Variants in HDAC9 observed in about 807,000 individuals in gnomAD.
HDAC9 encodes the protein MEF-2 interacting transcription repressor (MITR) protein.
Under a neutral mutation model 139.4 loss-of-function variants are expected in HDAC9, and 41 were observed. The observed-to-expected ratio is 0.29, with a 90% confidence interval of 0.23 to 0.38. The LOEUF is 0.38. Ranked by LOEUF, HDAC9 falls within the 10% of genes least tolerant of loss-of-function variation. The pLI, the probability that HDAC9 is intolerant of heterozygous loss-of-function variation, is 1.00. For synonymous variants in HDAC9, 517 were observed against 476.2 expected (o/e 1.09, Z -1.12); for missense variants, 1,147 against 1,297.0 (o/e 0.88, Z 1.78).
chr7:18,553,892 GCCGTCTTTATCCTCAA>G (rs1817911639), intron 2 of HDAC9, among the ~76,000 whole-genome samples: 1 of 152,148 alleles, frequency 6.6e-6, no homozygotes, highest in African/African-American at 2.4e-5. Flanking sequence ...TAAGTTAAAT[GCCGTCTTTATCCTCAA>G]GGGACTTACA....
chr7:18,372,960 A>G (rs1354313059), intron 1 of HDAC9, among the ~76,000 whole-genome samples: 1 of 152,228 alleles, frequency 6.6e-6, no homozygotes, highest in Non-Finnish European at 1.5e-5. Context: ...ATACTTGTTC[A>G]GACTTGGAGT....
chr7:18,137,677 C>G (rs1446267235), intron 1 of HDAC9, among the ~76,000 whole-genome samples: 3 of 151,264 alleles, frequency 2.0e-5, no homozygotes, highest in Non-Finnish European at 4.4e-5. Context: ...GGTGGATAAG[C>G]TTTTTGATGT....
At chr7:18,945,878 A>C (rs1206775000) in intron 23 of HDAC9, among the ~76,000 whole-genome samples, 1 of 151,614 alleles carries the variant, frequency 6.6e-6, no homozygotes, top group African/African-American at 2.4e-5. Flanking sequence ...CTCTACTAAA[A>C]ATACAAAAAT....
At chr7:18,722,472 A>G (rs1016203218) in intron 12 of HDAC9, among the ~76,000 whole-genome samples, 1 of 152,184 alleles carries the variant, frequency 6.6e-6, no homozygotes, top group Non-Finnish European at 1.5e-5. Context: ...ATGCTCTTTC[A>G]TACTTACTTA....
At chr7:18,931,900 G>C (rs6950598) in intron 22 of HDAC9, among the ~76,000 whole-genome samples, 27,084 of 152,048 alleles carry the variant, frequency 0.18, 2,863 homozygotes, top group East Asian at 0.36. Context: ...CATTGATTCT[G>C]TCTGATAGTA....
At chr7:18,536,960 C>G (rs1811120918) in intron 2 of HDAC9, among the ~76,000 whole-genome samples, 1 of 152,160 alleles carries the variant, frequency 6.6e-6, no homozygotes, top group Non-Finnish European at 1.5e-5. Flanking sequence ...TGTGCTTTCT[C>G]CCAGCTTCCC....
intron 11 of HDAC9, among the ~76,000 whole-genome samples, chr7:18,650,753 A>AG (rs1788977484): frequency 6.6e-6 from 1 of 152,188 alleles, no homozygotes; most frequent in Non-Finnish European, 1.5e-5. Context: ...ATGTTTGTAC[A>AG]GTGGTTTGAT....
In HDAC9 at chr7:18,161,787, A is replaced by G. The variant is rs144101300; in HGVS notation, c.-96-442A>G. 9.0e-3 allele frequency among the ~76,000 whole-genome samples: 1,370 copies of G among 152,184 alleles called. 8 individuals are homozygous for G. The highest frequency in any genetic ancestry group is 0.017 in the Middle Eastern group (5 of 294). ...TTGTTCTTTTTTTAGTCCATTAAAC[A>G]TTTCTTTTTGCCAAGAGGTCCTATC... On this transcript the variant is annotated intron_variant, in intron 1 of 12. Coordinates refer to the HDAC9 transcript ENST00000417496.
At chr7:18,262,529 C>G (rs1486263605) in intron 2 of HDAC9, among the ~76,000 whole-genome samples, 27 of 152,114 alleles carry the variant, frequency 1.8e-4, no homozygotes, top group Admixed American at 1.8e-3. Flanking sequence ...GATCACAATT[C>G]AAATCCACAT....
At chr7:18,406,324 T>C (rs1433924045) in intron 1 of HDAC9, among the ~76,000 whole-genome samples, 1 of 152,180 alleles carries the variant, frequency 6.6e-6, no homozygotes, top group African/African-American at 2.4e-5. Flanking sequence ...TTACTTTTAA[T>C]GGCAAAAACT....
intron 1 of HDAC9, among the ~76,000 whole-genome samples, chr7:18,441,402 T>G (rs1791744781): frequency 6.6e-6 from 1 of 152,222 alleles, no homozygotes. Flanking sequence ...TGCATGACAA[T>G]GAAAAATGTT....
chr7:18,174,989 G>C (rs1291355538), intron 2 of HDAC9, among the ~76,000 whole-genome samples: 1 of 152,182 alleles, frequency 6.6e-6, no homozygotes. Context: ...CTCTCTTCAG[G>C]CCTGTCAGAA....
At chr7:18,980,585 A>G (rs1481006300) in intron 25 of HDAC9, among the ~76,000 whole-genome samples, 1 of 152,200 alleles carries the variant, frequency 6.6e-6, no homozygotes, top group Non-Finnish European at 1.5e-5. Flanking sequence ...TAAATACTTG[A>G]TAAAACTTGA....
At chr7:18,884,913 A>G (rs59618106) in intron 22 of HDAC9, among the ~76,000 whole-genome samples, 4,840 of 152,266 alleles carry the variant, frequency 0.032, 238 homozygotes, top group East Asian at 0.14. Flanking sequence ...TACTCTGTAT[A>G]TCACACCTCT....
intron 2 of HDAC9, among the ~76,000 whole-genome samples, chr7:18,576,218 G>C (rs1263407965): frequency 6.6e-6 from 1 of 152,092 alleles, no homozygotes; most frequent in Non-Finnish European, 1.5e-5. Context: ...ATTGAGGCTG[G>C]AAATATACAG....
chr7:18,117,305 T>C (rs1231552567), intron 1 of HDAC9, among the ~76,000 whole-genome samples: 5 of 151,584 alleles, frequency 3.3e-5, no homozygotes, highest in African/African-American at 9.7e-5. Context: ...GCTAACACGG[T>C]GAAACCCCAT....
rs188694317 is a variant in HDAC9, at chr7:18,204,091, A to C, written c.25+41742A>C. ...ATGGGCTACTATTGGTCAGAGAAACAAAGAGGGACCTCCATTAGTGGGGAA... is the reference window on the plus strand; with the variant it reads ...ATGGGCTACTATTGGTCAGAGAAACCAAGAGGGACCTCCATTAGTGGGGAA... On this transcript the variant is annotated intron_variant, in intron 2 of 12. Transcript: ENST00000417496. 2.4e-3 allele frequency among the ~76,000 whole-genome samples: 362 copies of C among 152,336 alleles called. 4 individuals are homozygous for C. Among genetic ancestry groups the C allele is most frequent in the Non-Finnish European group, 4.3e-4 (29 of 68,036 alleles).
chr7:18,739,437 TG>T (rs1787236563), intron 13 of HDAC9, among the ~76,000 whole-genome samples: 1 of 152,212 alleles, frequency 6.6e-6, no homozygotes. Context: ...GACCTACAGA[TG>T]GGGTTTTGGT....
chr7:18,615,933 T>C (rs922058917), intron 6 of HDAC9, among the ~76,000 whole-genome samples: 1 of 152,180 alleles, frequency 6.6e-6, no homozygotes, highest in Admixed American at 6.5e-5. Flanking sequence ...TTGCCTGGGC[T>C]AAAATGAAGG....
Sources: allele counts gnomAD v4.1 joint callset (sites outside exome capture counted in the v4.1 genomes callset), GRCh38; gene constraint gnomAD v4.1.1; transcripts MANE v1.5; gene names NCBI Gene and HGNC (gene_info 2026-07-23, HGNC 2026-07-21).